LRRC3B: variants seen among roughly 807,000 people sequenced by gnomAD.
LRRC3B encodes the protein leucine rich repeat containing 3B, also known as leucine-rich repeat-containing protein 3B.
Under a neutral mutation model 12.8 loss-of-function variants are expected in LRRC3B, and 2 were observed. That is an observed-to-expected ratio of 0.16 (90% CI 0.06 to 0.49). The LOEUF (loss-of-function observed/expected upper bound fraction) is 0.49, where lower values mean the gene tolerates loss of function less well. LRRC3B is among the 20% of genes least tolerant of loss of function. The pLI is 0.96. For missense variants in LRRC3B, 189 were observed against 319.4 expected, an observed-to-expected ratio of 0.59 and a Z score of 3.11; for synonymous variants, 132 against 122.0, an observed-to-expected ratio of 1.08 and a Z score of -0.54.
At chr3:26,641,959 G>A (rs1699040120) in intron 1 of LRRC3B, among the ~76,000 whole-genome samples, 1 of 151,972 alleles carries the variant, frequency 6.6e-6, no homozygotes, top group Admixed American at 6.6e-5. Context: ...ATTTTAAAAT[G>A]TTTACTAATT....
chr3:26,683,516 T>G (rs1271263533), intron 1 of LRRC3B, among the ~76,000 whole-genome samples: 1 of 152,130 alleles, frequency 6.6e-6, no homozygotes, highest in Non-Finnish European at 1.5e-5. Flanking sequence ...GGCAGAGGTT[T>G]ATGGCAGGTC....
At chr3:26,673,734 C>T (rs747089858) in intron 1 of LRRC3B, among the ~76,000 whole-genome samples, 14 of 152,150 alleles carry the variant, frequency 9.2e-5, no homozygotes, top group Admixed American at 3.3e-4. Context: ...TTATCTCCAT[C>T]CTTACCTCCA....
chr3:26,662,457 A>C (rs1013858472), intron 1 of LRRC3B, among the ~76,000 whole-genome samples: 3 of 151,144 alleles, frequency 2.0e-5, no homozygotes, highest in Admixed American at 6.6e-5. Context: ...ACTTCCTCCT[A>C]CTCCTGCTAT....
At chr3:26,675,594 G>A (rs931849500) in intron 1 of LRRC3B, among the ~76,000 whole-genome samples, 1 of 152,100 alleles carries the variant, frequency 6.6e-6, no homozygotes, top group African/African-American at 2.4e-5. Flanking sequence ...GTCTGACAAA[G>A]GTATTGATTA....
At chr3:26,678,668 A>G (rs1575154378) in intron 1 of LRRC3B, among the ~76,000 whole-genome samples, 1 of 152,300 alleles carries the variant, frequency 6.6e-6, no homozygotes, top group South Asian at 2.1e-4. Flanking sequence ...TGAAAGAAGG[A>G]TTGGAAAAGC....
intron 1 of LRRC3B, among the ~76,000 whole-genome samples, chr3:26,648,629 C>T (rs1490346351): frequency 6.6e-6 from 1 of 152,182 alleles, no homozygotes; most frequent in Admixed American, 6.5e-5. Flanking sequence ...CAGAATCCTG[C>T]CACATCTCCT....
chr3:26,688,467 A>G (rs1349724303), intron 1 of LRRC3B, among the ~76,000 whole-genome samples: 2 of 152,182 alleles, frequency 1.3e-5, no homozygotes, highest in East Asian at 1.9e-4. Flanking sequence ...AAGAAGTTTA[A>G]TTTGCTCATG....
intron 1 of LRRC3B, among the ~76,000 whole-genome samples, chr3:26,684,720 G>A (rs917804377): frequency 6.6e-5 from 10 of 152,232 alleles, no homozygotes; most frequent in African/African-American, 2.4e-4. Context: ...ACCTCTCAAA[G>A]GTATCACCTC....
intron 1 of LRRC3B, among the ~76,000 whole-genome samples, chr3:26,643,221 T>A (rs59934440): frequency 0.026 from 3,923 of 151,750 alleles, 174 homozygotes; most frequent in African/African-American, 0.089. Context: ...GAATCCAGAA[T>A]GGTGATGTGG....
chr3:26,634,427 T>G (rs1698822520), intron 1 of LRRC3B, among the ~76,000 whole-genome samples: 3 of 152,224 alleles, frequency 2.0e-5, no homozygotes, highest in Non-Finnish European at 4.4e-5. Flanking sequence ...AAGAAAAACG[T>G]AGGTGTAGTT....
At chr3:26,630,531 C>G (rs575777257) in intron 1 of LRRC3B, among the ~76,000 whole-genome samples, 1 of 152,014 alleles carries the variant, frequency 6.6e-6, no homozygotes, top group Admixed American at 6.6e-5. Flanking sequence ...ACTATTGTTT[C>G]GAAGTAGGAA....
chr3:26,691,586 A>G (rs769210688), intron 1 of LRRC3B, among the ~76,000 whole-genome samples: 36 of 152,178 alleles, frequency 2.4e-4, no homozygotes, highest in Non-Finnish European at 3.5e-4. Context: ...ATCCATTTCT[A>G]ATTGAAATCA....
At chr3:26,694,812 T>C (rs189906913) in intron 1 of LRRC3B, 1 of 152,216 alleles carries the variant, frequency 6.6e-6, no homozygotes, top group Non-Finnish European at 1.5e-5. Context: ...CTATCTTCTA[T>C]AGCACTTAAC....
intron 1 of LRRC3B, among the ~76,000 whole-genome samples, chr3:26,630,936 T>C (rs1698744386): frequency 6.6e-6 from 1 of 152,190 alleles, no homozygotes; most frequent in Non-Finnish European, 1.5e-5. Context: ...GTAATACAGC[T>C]GCTTTAGCTC....
intron 1 of LRRC3B, among the ~76,000 whole-genome samples, chr3:26,685,386 A>G (rs551586736): frequency 6.7e-6 from 1 of 149,432 alleles, no homozygotes; most frequent in African/African-American, 2.5e-5. Context: ...TCAAAATGCT[A>G]CCTATCTTAC....
At chr3:26,693,260 C>T (rs1463234362) in intron 1 of LRRC3B, among the ~76,000 whole-genome samples, 2 of 138,808 alleles carry the variant, frequency 1.4e-5, no homozygotes, top group Admixed American at 7.7e-5. Flanking sequence ...ACCCGGGAGG[C>T]GGAGCTTGCA....
chr3:26,630,399 C>T (rs1385963417), intron 1 of LRRC3B, among the ~76,000 whole-genome samples: 2 of 152,192 alleles, frequency 1.3e-5, no homozygotes, highest in Non-Finnish European at 2.9e-5. Flanking sequence ...AAGATTATAG[C>T]ACAAACCAAT....
rs372629683 is a variant in LRRC3B, at chr3:26,691,105, G to GTGTGTATATATA, written c.-160-18407_-160-18406insGTGTATATATAT. Among the ~76,000 whole-genome samples the GTGTGTATATATA allele has an allele frequency of 2.3e-3, 194 of 84,818 alleles. 2 individuals carry two copies. The highest frequency in any genetic ancestry group is 0.01 in the East Asian group (18 of 1,774). The allele number at this position is 84,818 out of a possible 152,430, so 55.6% of individuals were successfully genotyped here. ...TGTGTGTGTATATGTGTGTGTGTGT[G>GTGTGTATATATA]TATATATATATATATATATATATAT... On this transcript the variant is annotated intron_variant, in intron 1 of 1. Coordinates refer to ENST00000396641, the Ensembl canonical transcript of LRRC3B.
intron 1 of LRRC3B, among the ~76,000 whole-genome samples, chr3:26,664,631 G>A (rs923130753): frequency 6.6e-6 from 1 of 152,156 alleles, no homozygotes; most frequent in Admixed American, 6.5e-5. Flanking sequence ...TGGTTGGGTG[G>A]TGGGGAAGTA....
Sources: gnomAD v4.1 joint callset for allele counts (sites outside exome capture counted in the v4.1 genomes callset) on GRCh38, gnomAD v4.1.1 for gene constraint, MANE v1.5 for transcripts, NCBI Gene and HGNC (gene_info 2026-07-23, HGNC 2026-07-21) for gene names.